The following MYO3A variants were observed in gnomAD, a reference collection of about 807,000 sequenced individuals.
MYO3A encodes myosin IIIA.
In MYO3A, 180 loss-of-function variants were observed where a neutral mutation model predicts 192.7. The ratio of observed to expected loss-of-function variants is 0.93; its 90% CI spans 0.83 to 1.06. The LOEUF (loss-of-function observed/expected upper bound fraction) is 1.06, where lower values mean the gene tolerates loss of function less well. Among genes scored for constraint, MYO3A ranks in the 50% least tolerant of loss-of-function variants. The pLI is 0.00. For missense variants in MYO3A, 1,896 were observed against 1,905.0 expected, an observed-to-expected ratio of 1.00 and a Z score of 0.09; for synonymous variants, 628 against 645.3, an observed-to-expected ratio of 0.97 and a Z score of 0.41.
At chr10:26,020,653 T>C (rs1842254181) in intron 7 of MYO3A, among the ~76,000 whole-genome samples, 1 of 152,192 alleles carries the variant, frequency 6.6e-6, no homozygotes, top group Non-Finnish European at 1.5e-5. Context: ...ATGCAAAAAA[T>C]GGTTCTTAAA....
chr10:26,174,900 A>C (rs762396710), intron 30 of MYO3A, among the ~76,000 whole-genome samples: 2 of 152,170 alleles, frequency 1.3e-5, no homozygotes, highest in Non-Finnish European at 2.9e-5. Flanking sequence ...AGTCGTTTTA[A>C]GTTTTCTAAA....
intron 4 of MYO3A, among the ~76,000 whole-genome samples, chr10:25,991,115 T>C (rs998993759): frequency 5.3e-5 from 8 of 152,224 alleles, no homozygotes; most frequent in Non-Finnish European, 8.8e-5. Context: ...TTGAACTAGT[T>C]TACAGTCCCA....
chr10:25,952,392 A>C (rs1309027392), intron 3 of MYO3A, 114 bp downstream of exon 3: 1 of 1,192,094 alleles, frequency 8.4e-7, no homozygotes, highest in Non-Finnish European at 1.2e-6. Flanking sequence ...AACAGGTTAC[A>C]ATTTGAAGAT....
chr10:25,939,166 A>G (rs1009528866), intron 2 of MYO3A, among the ~76,000 whole-genome samples: 1 of 152,010 alleles, frequency 6.6e-6, no homozygotes, highest in African/African-American at 2.4e-5. Flanking sequence ...AGATTTATTA[A>G]TATAAAATTA....
chr10:26,169,198 AT>A (rs1268120251), intron 28 of MYO3A, among the ~76,000 whole-genome samples: 4 of 152,164 alleles, frequency 2.6e-5, no homozygotes, highest in Admixed American at 6.5e-5. Context: ...GACAATAAGA[AT>A]TTTTTCTACT....
At chr10:26,043,528 G>C (rs1351752268) in intron 10 of MYO3A, among the ~76,000 whole-genome samples, 3 of 152,004 alleles carry the variant, frequency 2.0e-5, no homozygotes, top group Non-Finnish European at 4.4e-5. Flanking sequence ...CTCAAGCCAT[G>C]AGACACAGTC....
chr10:26,090,624 T>G (rs1336356376), intron 15 of MYO3A, among the ~76,000 whole-genome samples: 1 of 152,234 alleles, frequency 6.6e-6, no homozygotes, highest in Admixed American at 6.5e-5. Context: ...ATTTTTAAGT[T>G]CCAGAGGAGC....
chr10:26,186,266 CT>C (rs35154545), intron 31 of MYO3A, among the ~76,000 whole-genome samples: 3,982 of 129,636 alleles, frequency 0.031, 159 homozygotes, highest in African/African-American at 0.1. Flanking sequence ...TGATATCCTT[CT>C]TTTTTTTTTT....
chr10:26,203,698 A>C (rs544086444), intron 34 of MYO3A, among the ~76,000 whole-genome samples: 31 of 152,206 alleles, frequency 2.0e-4, no homozygotes, highest in Non-Finnish European at 4.0e-4. Context: ...ATCTGGGTAC[A>C]TAATAAAACA....
At chr10:26,020,873 A>T (rs79897971) in intron 7 of MYO3A, among the ~76,000 whole-genome samples, 10,069 of 152,294 alleles carry the variant, frequency 0.066, 414 homozygotes, top group Non-Finnish European at 0.094. Flanking sequence ...GACATGTTTT[A>T]AAACTGGTTG....
At chr10:26,101,067 A>C (rs948802792) in intron 17 of MYO3A, among the ~76,000 whole-genome samples, 4 of 152,164 alleles carry the variant, frequency 2.6e-5, no homozygotes. Context: ...TTGCTTTATG[A>C]ATCTGGGTGC....
At chr10:26,068,497 T>C (rs1834994260) in intron 11 of MYO3A, among the ~76,000 whole-genome samples, 1 of 152,148 alleles carries the variant, frequency 6.6e-6, no homozygotes, top group Non-Finnish European at 1.5e-5. Context: ...TTGAAAGCAT[T>C]ATATATTTAA....
At chr10:26,186,126 C>T (rs1000890565) in intron 31 of MYO3A, among the ~76,000 whole-genome samples, 1 of 152,038 alleles carries the variant, frequency 6.6e-6, no homozygotes, top group African/African-American at 2.4e-5. Flanking sequence ...GGACAAATCC[C>T]CAGTGATGAA....
intron 31 of MYO3A, among the ~76,000 whole-genome samples, chr10:26,178,342 A>G (rs955027592): frequency 1.3e-5 from 2 of 152,212 alleles, no homozygotes; most frequent in African/African-American, 2.4e-5. Context: ...ATCTCAGGTC[A>G]GGAGTTCAAG....
intron 20 of MYO3A, among the ~76,000 whole-genome samples, chr10:26,139,986 G>C (rs926276981): frequency 3.9e-5 from 6 of 152,282 alleles, no homozygotes; most frequent in African/African-American, 1.4e-4. Flanking sequence ...ATACAGAAAA[G>C]CTTGATGCAC....
At chr10:26,135,021 C>T (rs912788936) in intron 20 of MYO3A, among the ~76,000 whole-genome samples, 1 of 152,146 alleles carries the variant, frequency 6.6e-6, no homozygotes, top group Non-Finnish European at 1.5e-5. Flanking sequence ...CATATCCAAG[C>T]AGTTGTGCAT....
At chr10:25,967,977 C>T (rs930226227) in intron 4 of MYO3A, among the ~76,000 whole-genome samples, 16 of 152,130 alleles carry the variant, frequency 1.1e-4, no homozygotes, top group Non-Finnish European at 2.2e-4. Flanking sequence ...ACCTATGTGT[C>T]ATTGCAGCCT....
intron 14 of MYO3A, among the ~76,000 whole-genome samples, chr10:26,075,759 AT>A (rs1835522692): frequency 6.8e-6 from 1 of 146,444 alleles, no homozygotes; most frequent in African/African-American, 2.5e-5. Context: ...TGATATATAT[AT>A]GTCTCTCTCA....
At chr10:26,018,671 T>C (rs568677602) in intron 7 of MYO3A, among the ~76,000 whole-genome samples, 1 of 152,250 alleles carries the variant, frequency 6.6e-6, no homozygotes, top group East Asian at 1.9e-4. Flanking sequence ...TAGGTGACTG[T>C]ACAACTTATC....
Sources: gnomAD v4.1 joint callset for allele counts (sites outside exome capture counted in the v4.1 genomes callset) on GRCh38, gnomAD v4.1.1 for gene constraint, MANE v1.5 for transcripts, NCBI Gene and HGNC (gene_info 2026-07-23, HGNC 2026-07-21) for gene names.